The following FBXL4 variants were observed in gnomAD, a reference collection of about 807,000 sequenced individuals.
FBXL4 encodes the protein F-box/LRR-repeat protein 4.
FBXL4 carries 40 observed loss-of-function variants against 58.9 expected under a neutral mutation model. That is an observed-to-expected ratio of 0.68 (90% CI 0.53 to 0.88). The LOEUF is 0.88. Ranked by LOEUF, FBXL4 falls within the 40% of genes least tolerant of loss-of-function variation. The pLI, the probability that FBXL4 is intolerant of heterozygous loss-of-function variation, is 0.00. For missense variants in FBXL4, 676 were observed against 734.4 expected, an observed-to-expected ratio of 0.92 and a Z score of 0.92; for synonymous variants, 263 against 265.5, an observed-to-expected ratio of 0.99 and a Z score of 0.09.
At chr6:98,927,213 A>G (rs1434035854) in intron 3 of FBXL4, among the ~76,000 whole-genome samples, 153 bp from the exon 4 acceptor site, 1 of 152,228 alleles carries the variant, frequency 6.6e-6, no homozygotes, top group Non-Finnish European at 1.5e-5. Context: ...TCTGGTATAA[A>G]TAAATTTTCT....
chr6:98,883,135 AT>A (rs1382621075), intron 7 of FBXL4, among the ~76,000 whole-genome samples: 1 of 152,038 alleles, frequency 6.6e-6, no homozygotes, highest in African/African-American at 2.4e-5. Context: ...TGCCTGTCTC[AT>A]GAGTACAGAA....
chr6:98,911,956 A>G lies in FBXL4; in HGVS notation c.858+5418T>C, dbSNP rs149136947. Among the ~76,000 whole-genome samples the G allele has an allele frequency of 5.2e-3, 786 of 152,334 alleles. 9 individuals are homozygous for G. The highest frequency in any genetic ancestry group is 0.018 in the African/African-American group (740 of 41,566). ...AAATTTAGACAAATGTATAACTAGA[A>G]TAACCAATACAGAGAAGTACTTAAA... On this transcript the variant is annotated intron_variant, in intron 5 of 9. Transcript: ENST00000369244.
In FBXL4 at chr6:98,871,397, A is replaced by G. The variant is rs746837989; in HGVS notation, c.*2881T>C. 5.3e-5 allele frequency: 8 copies of G among 152,212 alleles called. No individual in the cohort carries two copies. The highest frequency in any genetic ancestry group is 1.0e-4 in the Non-Finnish European group (7 of 68,044). The allele number at this position is 152,212 out of a possible 1,614,324, so 9.4% of individuals were successfully genotyped here. ...ACACTGCCTAGTTATTGCTTATTTG[A>G]TAAGTCAATGCCAACGTTGAAGTGA... On this transcript the variant is annotated 3_prime_UTR_variant, in exon 10 of 10. Transcript: ENST00000369244.
chr6:98,933,935 A>C (rs1434463831), intron 2 of FBXL4, among the ~76,000 whole-genome samples: 1 of 152,250 alleles, frequency 6.6e-6, no homozygotes. Flanking sequence ...GGTAATAAAA[A>C]TTGAAGCGCA....
intron 4 of FBXL4, among the ~76,000 whole-genome samples, chr6:98,923,349 G>A (rs938168470): frequency 6.6e-6 from 1 of 151,876 alleles, no homozygotes; most frequent in African/African-American, 2.4e-5. Flanking sequence ...ATTCTTCTGG[G>A]AAGCTGGATC....
intron 1 of FBXL4, among the ~76,000 whole-genome samples, chr6:98,938,016 C>A: frequency 6.8e-6 from 1 of 148,102 alleles, no homozygotes. Context: ...TATCTTGAAA[C>A]CCTTCATCCT....
Position 98,909,300 on chromosome 6 carries a change from G to A in FBXL4, c.859-3630C>T, listed in dbSNP as rs574910039. ...GCAGAATAGACTCCACACTGCCAAA[G>A]ACAGGGAGTCCCAATCACTGTCATC... On this transcript the variant is annotated intron_variant, in intron 5 of 9. Coordinates refer to ENST00000369244, the MANE Select transcript of FBXL4 (RefSeq NM_001278716.2). 6.6e-5 allele frequency among the ~76,000 whole-genome samples: 10 copies of A among 152,246 alleles called. 2 individuals carry two copies. In the South Asian group the frequency reaches 1.7e-3, roughly 25 times the overall value.
At chr6:98,888,445 G>A (rs1258236194) in intron 7 of FBXL4, among the ~76,000 whole-genome samples, 1 of 152,146 alleles carries the variant, frequency 6.6e-6, no homozygotes, top group Non-Finnish European at 1.5e-5. Flanking sequence ...TACATATCTA[G>A]AACACACAAA....
At chr6:98,907,714 T>C (rs1177408844) in intron 5 of FBXL4, among the ~76,000 whole-genome samples, 1 of 152,176 alleles carries the variant, frequency 6.6e-6, no homozygotes, top group Non-Finnish European at 1.5e-5. Context: ...TAGCTAAACT[T>C]TTTGTTTTGC....
In FBXL4 at chr6:98,926,872, T is replaced by G; in HGVS notation, c.117A>C (p.Glu39Asp). 1.2e-6 allele frequency: 2 copies of G among 1,614,180 alleles called. No individual in the cohort carries two copies. The highest frequency in any genetic ancestry group is 1.7e-6 in the Non-Finnish European group (2 of 1,180,020). Residue 39 changes from glutamate (E) to aspartate (D), a missense_variant, in exon 4 of 10, where the codon GAA becomes GAC. Transcript: ENST00000369244. Reference protein sequence around the residue: ...GEMMNTHRAIESNSQTSPLNA... With the variant: ...GEMMNTHRAIDSNSQTSPLNA... Reference sequence around the variant, plus strand: ...TGAGAGGGGAAGTCTGGCTGTTTGATTCTATAGCTCTATGGGTGTTCATCA... The same window carrying G: ...TGAGAGGGGAAGTCTGGCTGTTTGAGTCTATAGCTCTATGGGTGTTCATCA...
At chr6:98,921,027 G>A (rs1772563744) in intron 4 of FBXL4, among the ~76,000 whole-genome samples, 1 of 152,120 alleles carries the variant, frequency 6.6e-6, no homozygotes, top group African/African-American at 2.4e-5. Flanking sequence ...TACTCTTTAA[G>A]TATTTTAAAT....
chr6:98,926,170 T>A (rs1772770320), intron 4 of FBXL4, among the ~76,000 whole-genome samples: 1 of 152,194 alleles, frequency 6.6e-6, no homozygotes, highest in East Asian at 1.9e-4. Flanking sequence ...AAGTCATATT[T>A]CGTACTAACG....
intron 3 of FBXL4, among the ~76,000 whole-genome samples, chr6:98,927,343 A>G (rs1013887898): frequency 2.6e-5 from 4 of 152,228 alleles, no homozygotes; most frequent in African/African-American, 9.6e-5. Context: ...AATTATAACC[A>G]TCACTCAAGA....
chr6:98,914,613 C>A (rs2128399307), intron 5 of FBXL4, among the ~76,000 whole-genome samples: 1 of 152,268 alleles, frequency 6.6e-6, no homozygotes, highest in Non-Finnish European at 1.5e-5. Flanking sequence ...TGACAAAATT[C>A]AACAACGCTT....
intron 8 of FBXL4, among the ~76,000 whole-genome samples, chr6:98,879,858 G>C (rs1439197524): frequency 6.9e-6 from 1 of 145,808 alleles, no homozygotes; most frequent in African/African-American, 2.6e-5. Context: ...CAGGAGAATT[G>C]CTTGAATCCG....
rs1275005027 is a variant in FBXL4, at chr6:98,873,316, T to A, written c.*962A>T. The A allele has an allele frequency of 1.4e-5, 2 of 147,650 alleles. No homozygotes were observed. Among genetic ancestry groups the A allele is most frequent in the Non-Finnish European group, 1.5e-5 (1 of 67,162 alleles). The allele number at this position is 147,650 out of a possible 1,614,324, so 9.1% of individuals were successfully genotyped here. On this transcript the variant is annotated 3_prime_UTR_variant, in exon 10 of 10. Coordinates refer to ENST00000369244, the MANE Select transcript of FBXL4 (RefSeq NM_001278716.2). ...AATATATACATGTATATATTAAAAA[T>A]CATAAATGTGGATATATATTATCTA...
At chr6:98,910,632 G>C (rs1024167573) in intron 5 of FBXL4, among the ~76,000 whole-genome samples, 1 of 151,778 alleles carries the variant, frequency 6.6e-6, no homozygotes, top group Non-Finnish European at 1.5e-5. Flanking sequence ...ACTCCAGCCT[G>C]GGCAACAGAG....
intron 7 of FBXL4, among the ~76,000 whole-genome samples, chr6:98,894,941 G>T (rs1455130639): frequency 6.6e-6 from 1 of 152,040 alleles, no homozygotes; most frequent in Non-Finnish European, 1.5e-5. Context: ...ATGCAGGGAG[G>T]GACCCACATC....
intron 7 of FBXL4, among the ~76,000 whole-genome samples, chr6:98,889,250 A>G (rs1562221562): frequency 6.6e-6 from 1 of 152,224 alleles, no homozygotes; most frequent in South Asian, 2.1e-4. Context: ...CTGCAAAGGA[A>G]TTAGTCCATA....
Sources: allele counts gnomAD v4.1 joint callset (sites outside exome capture counted in the v4.1 genomes callset), GRCh38; gene constraint gnomAD v4.1.1; transcripts MANE v1.5; gene names NCBI Gene and HGNC (gene_info 2026-07-23, HGNC 2026-07-21).